CAMK2D: variants seen among roughly 807,000 people sequenced by gnomAD.
CAMK2D encodes the protein calcium/calmodulin-dependent protein kinase type II subunit delta.
A neutral mutation model predicts 84.0 loss-of-function variants in CAMK2D; 37 were observed. The observed-to-expected ratio is 0.44, with a 90% CI of 0.34 to 0.58. The LOEUF is 0.58. Among genes scored for constraint, CAMK2D ranks in the 20% least tolerant of loss-of-function variants. CAMK2D has a pLI of 0.02. For missense variants in CAMK2D, 448 were observed against 652.5 expected (o/e 0.69, Z 3.41); for synonymous variants, 202 against 212.5 (o/e 0.95, Z 0.43).
chr4:113,517,254 A>G (rs1590573627), intron 9 of CAMK2D, among the ~76,000 whole-genome samples: 1 of 152,274 alleles, frequency 6.6e-6, no homozygotes, highest in Non-Finnish European at 1.5e-5. Flanking sequence ...ACAGGCAATA[A>G]TCATTTCTAT....
chr4:113,684,770 G>C (rs1230276438), intron 2 of CAMK2D, among the ~76,000 whole-genome samples: 2 of 152,162 alleles, frequency 1.3e-5, no homozygotes, highest in Non-Finnish European at 2.9e-5. Flanking sequence ...CTCTTGTCTA[G>C]AAATAACATT....
intron 17 of CAMK2D, among the ~76,000 whole-genome samples, chr4:113,462,267 TG>T (rs1419157574): frequency 4.2e-5 from 2 of 47,564 alleles, no homozygotes; most frequent in Non-Finnish European, 8.0e-5. Flanking sequence ...TATTTGGAAA[TG>T]TGTGTGTGTG....
intron 4 of CAMK2D, among the ~76,000 whole-genome samples, chr4:113,586,743 G>A (rs2098836091): frequency 6.6e-6 from 1 of 152,100 alleles, no homozygotes; most frequent in African/African-American, 2.4e-5. Flanking sequence ...CAGTACTACT[G>A]ATTGAGAGCT....
chr4:113,639,559 A>G (rs1335040570), intron 3 of CAMK2D, among the ~76,000 whole-genome samples: 1 of 152,066 alleles, frequency 6.6e-6, no homozygotes, highest in African/African-American at 2.4e-5. Flanking sequence ...TTTGTACACT[A>G]CAACACCCAC....
chr4:113,606,700 G>A (rs1289479405), intron 4 of CAMK2D, among the ~76,000 whole-genome samples: 2 of 151,978 alleles, frequency 1.3e-5, no homozygotes, highest in Non-Finnish European at 2.9e-5. Context: ...AAGAAGGTAG[G>A]GCTAAAAAGG....
chr4:113,486,400 C>T (rs574570806), intron 16 of CAMK2D, among the ~76,000 whole-genome samples: 6 of 152,166 alleles, frequency 3.9e-5, no homozygotes, highest in South Asian at 2.1e-4. Flanking sequence ...GTTGGGATTA[C>T]GGGTATGAGC....
chr4:113,537,395 A>G lies in CAMK2D; in HGVS notation c.463T>C (p.Leu155=), dbSNP rs144819513. The change falls in exon 7 of 21, where the codon TTG becomes CTG. Residue 155 remains leucine (L), a synonymous_variant. Coordinates refer to ENST00000511664, the MANE Select transcript of CAMK2D (RefSeq NM_001321571.2). ...TCTATGGCTAAGCCAAAGTCTGCCA[A>G]TTTCACAGCTGCTCCCTTGGATTTG... The part of the protein sequence containing the change: ...ASKSKGAAVK[L]ADFGLAIEVQ... 45 of 1,613,366 alleles carry G rather than the reference A, an allele frequency of 2.8e-5. No homozygotes were observed. The highest frequency in any genetic ancestry group is 3.3e-4 in the Middle Eastern group (2 of 6,062).
chr4:113,494,007 C>T (rs1298672210), intron 16 of CAMK2D, among the ~76,000 whole-genome samples: 1 of 152,090 alleles, frequency 6.6e-6, no homozygotes, highest in Non-Finnish European at 1.5e-5. Flanking sequence ...CTCCTTTAAG[C>T]ACTTCTCTGT....
At chr4:113,622,280 G>A (rs943451341) in intron 3 of CAMK2D, among the ~76,000 whole-genome samples, 1 of 152,074 alleles carries the variant, frequency 6.6e-6, no homozygotes, top group Non-Finnish European at 1.5e-5. Flanking sequence ...CATTTATCAT[G>A]TATCATCCAA....
intron 16 of CAMK2D, among the ~76,000 whole-genome samples, chr4:113,494,860 C>T (rs964148792): frequency 7.2e-5 from 11 of 152,220 alleles, no homozygotes; most frequent in African/African-American, 2.2e-4. Context: ...TTTTTTAAGC[C>T]CGTCGGAAAA....
chr4:113,498,046 C>T (rs969960537), intron 16 of CAMK2D, among the ~76,000 whole-genome samples: 4 of 152,130 alleles, frequency 2.6e-5, no homozygotes, highest in African/African-American at 9.7e-5. Flanking sequence ...GATTATTTAA[C>T]TGATAGTAAT....
intron 4 of CAMK2D, among the ~76,000 whole-genome samples, chr4:113,602,007 A>AG (rs1467379545): frequency 6.6e-6 from 1 of 152,064 alleles, no homozygotes; most frequent in African/African-American, 2.4e-5. Context: ...TCCTTCTTAA[A>AG]TACAAATGAT....
At chr4:113,566,889 C>A (rs893627491) in intron 4 of CAMK2D, among the ~76,000 whole-genome samples, 14 of 152,176 alleles carry the variant, frequency 9.2e-5, no homozygotes, top group African/African-American at 3.4e-4. Context: ...AAATGATTTG[C>A]TGGGTTTCTT....
At chr4:113,601,351 T>A (rs1295121580) in intron 4 of CAMK2D, among the ~76,000 whole-genome samples, 1 of 152,092 alleles carries the variant, frequency 6.6e-6, no homozygotes, top group Non-Finnish European at 1.5e-5. Flanking sequence ...TGTTCTTCCT[T>A]AAAAAATATA....
intron 3 of CAMK2D, among the ~76,000 whole-genome samples, chr4:113,652,542 C>A (rs17630885): frequency 0.063 from 9,577 of 152,174 alleles, 542 homozygotes; most frequent in East Asian, 0.22. Flanking sequence ...TCCCTAGCGA[C>A]ATGAGTTATT....
intron 16 of CAMK2D, among the ~76,000 whole-genome samples, chr4:113,485,023 C>A (rs1356524425): frequency 6.6e-6 from 1 of 152,144 alleles, no homozygotes; most frequent in Admixed American, 6.5e-5. Flanking sequence ...TAAATCCCCA[C>A]GTGGTTCAGT....
chr4:113,755,173 TACACACACACAC>T (rs59818897), intron 2 of CAMK2D: 6 of 163,724 alleles, frequency 3.7e-5, no homozygotes, highest in Non-Finnish European at 7.0e-5. Flanking sequence ...TACTTAGGGA[TACACACACACAC>T]ACACACACAC....
At chr4:113,548,557 G>C in intron 5 of CAMK2D, 1 of 584,816 alleles carries the variant, frequency 1.7e-6, no homozygotes, top group Non-Finnish European at 3.0e-6. Flanking sequence ...AACAAGTTGG[G>C]AAAGGCAAGG....
chr4:113,495,278 G>T (rs1349915808), intron 16 of CAMK2D, among the ~76,000 whole-genome samples: 4 of 152,106 alleles, frequency 2.6e-5, no homozygotes, highest in Admixed American at 6.5e-5. Context: ...TTAACCTAAT[G>T]GAATGACATA....
Sources: allele counts gnomAD v4.1 joint callset (sites outside exome capture counted in the v4.1 genomes callset), GRCh38; gene constraint gnomAD v4.1.1; transcripts MANE v1.5; gene names NCBI Gene and HGNC (gene_info 2026-07-23, HGNC 2026-07-21).